The following SAMD11 variants were observed in gnomAD, a reference collection of about 807,000 sequenced individuals.
The protein encoded by SAMD11 is sterile alpha motif domain containing 11.
A neutral mutation model predicts 64.4 loss-of-function variants in SAMD11; 77 were observed. The observed-to-expected ratio is 1.20, with a 90% CI of 0.99 to 1.44. SAMD11 has a LOEUF of 1.44. SAMD11 is among the 40% of genes most tolerant of loss of function. The pLI, the probability that SAMD11 is intolerant of heterozygous loss-of-function variation, is 0.00. For missense variants in SAMD11, 1,402 were observed against 943.3 expected (o/e 1.49, Z -6.37); for synonymous variants, 658 against 421.9 (o/e 1.56, Z -6.86).
chr1:942,642 GC>G lies in SAMD11; in HGVS notation c.1641del (p.Asn548ThrfsTer16). 1 of 1,438,152 alleles carries G rather than the reference GC, an allele frequency of 7.0e-7. No individual in the cohort carries two copies. Among genetic ancestry groups the G allele is most frequent in the Non-Finnish European group, 9.1e-7 (1 of 1,102,840 alleles). The allele number at this position is 1,438,152 out of a possible 1,614,324, so 89.1% of individuals were successfully genotyped here. ...CTGCTGGCGCCCGAGACCGCCCTGC[GC>G]CCCAACGACGGCGCCGAGGAGCTGC... Reference protein sequence around the residue: ...PQLLAPETALRPNDGAEELQR... With the variant: ...PQLLAPETALXPNDGAEELQR... On this transcript the variant is annotated frameshift_variant, in exon 11 of 14. Coordinates refer to ENST00000616016, the MANE Select transcript of SAMD11 (RefSeq NM_001385641.1). LOFTEE classifies it high-confidence loss of function.
rs1244492295 is a variant in SAMD11, at chr1:942,646, C to T, written c.1641C>T (p.Pro547=). The change falls in exon 11 of 14, where the codon CCC becomes CCT. Residue 547 remains proline (P), a synonymous_variant. Transcript: ENST00000616016. ...QLLAPETALR[P]NDGAEELQRR... is the part of the protein sequence containing the mutation. ...TGGCGCCCGAGACCGCCCTGCGCCC[C>T]AACGACGGCGCCGAGGAGCTGCAGC... The T allele has an allele frequency of 4.2e-6, 6 of 1,437,924 alleles. No individual in the cohort carries two copies. The highest frequency in any genetic ancestry group is 5.4e-6 in the Non-Finnish European group (6 of 1,102,718). The allele number at this position is 1,437,924 out of a possible 1,614,324, so 89.1% of individuals were successfully genotyped here. A position where few individuals can be genotyped will look rare whatever the true frequency, so the allele number is the denominator to read the frequency against.
chr1:940,975 C>T (rs1221452301), intron 7 of SAMD11, 169 bp from the exon 8 acceptor site: 13 of 546,614 alleles, frequency 2.4e-5, no homozygotes, highest in Non-Finnish European at 3.5e-5. Context: ...TCTGCCGTCT[C>T]GGCCCTGTGG....
At chr1:943,484 C>T (rs1641942729) in intron 12 of SAMD11, 107 bp downstream of exon 12, 5 of 1,120,306 alleles carry the variant, frequency 4.5e-6, no homozygotes, top group East Asian at 2.4e-5. Context: ...CCTCTCCCTC[C>T]CCAAAAGCAG....
rs780701540 is a variant in SAMD11, at chr1:944,121, G to A, written c.2503G>A (p.Gly835Arg). The part of the protein sequence containing the change: ...QENGTLALLP[G>R]APDPSQPLC ...GAATGGGACCTTGGCTCTACTTCCA[G>A]GGGCCCCCGACCCTTCCCAGCCTCT... The change falls in exon 14 of 14, where the codon GGG becomes AGG. Residue 835 changes from glycine (G) to arginine (R), a missense_variant. Gly to Arg is a moderately radical substitution (Grantham distance 125). Transcript: ENST00000616016. The A allele has an allele frequency of 3.8e-6, 6 of 1,599,798 alleles. No individual in the cohort carries two copies. Among genetic ancestry groups the A allele is most frequent in the Admixed American group, 1.7e-5 (1 of 59,008 alleles).
intron 7 of SAMD11, chr1:940,298 C>G (rs1245928305): frequency 1.0e-4 from 1 of 9,786 alleles, no homozygotes; most frequent in Non-Finnish European, 3.1e-4. Context: ...GCGCCGCCGC[C>G]CCCCCCCCCC....
In SAMD11 at chr1:941,212, C is replaced by G. The variant is rs753422510; in HGVS notation, c.1264C>G (p.Leu422Val). Residue 422 changes from leucine to valine, a missense_variant, in exon 8 of 14, where the codon CTG becomes GTG. Transcript: ENST00000616016. ...LRGPSGLEAH[L>V]PSSTAGQRRK... is the part of the protein sequence containing the mutation. Reference sequence around the variant, plus strand: ...GGGCCCCAGTGGCCTGGAAGCCCACCTGCCCTCCTCCACGGCAGGTCAGCG... The same window carrying G: ...GGGCCCCAGTGGCCTGGAAGCCCACGTGCCCTCCTCCACGGCAGGTCAGCG... The G allele has an allele frequency of 5.0e-6, 8 of 1,601,794 alleles. No individual in the cohort carries two copies. The highest frequency in any genetic ancestry group is 6.8e-6 in the Non-Finnish European group (8 of 1,174,976).
At position 935,818 on chromosome 1, in the gene SAMD11, C is replaced by T. The variant is rs527860171; in HGVS notation, c.889C>T (p.Arg297Cys). The T allele has an allele frequency of 1.6e-5, 26 of 1,613,512 alleles. No homozygotes were observed. Among genetic ancestry groups the T allele is most frequent in the African/African-American group, 5.3e-5 (4 of 75,060 alleles). ...PTLISSVHRS[R>C]HLVMPEHQSR... ...CCTCATATCCAGCGTCCACCGCAGC[C>T]GCCACCTCGTTATGCCCGAGCATCA... Residue 297 changes from arginine to cysteine, a missense_variant, in exon 5 of 14, where the codon CGC becomes TGC. Coordinates refer to ENST00000616016, the MANE Select transcript of SAMD11 (RefSeq NM_001385641.1).
In SAMD11 at chr1:943,691, C is replaced by T. The variant is rs764692893; in HGVS notation, c.2179-7C>T. On this transcript the variant is annotated splice_polypyrimidine_tract_variant and splice_region_variant and intron_variant, in intron 12 of 13. Coordinates refer to ENST00000616016, the MANE Select transcript of SAMD11 (RefSeq NM_001385641.1). ...GGGTCCTGACCCTCCCTCCCTCCCC[C>T]TTCCAGGTCTTCAGGGAGCAGGGGA... The T allele has an allele frequency of 9.6e-6, 15 of 1,561,450 alleles. No individual in the cohort carries two copies. In the Admixed American group the frequency reaches 2.2e-4, roughly 22 times the overall value.
chr1:943,448 G>GGT, intron 12 of SAMD11, 71 bp downstream of exon 12: 1 of 1,333,724 alleles, frequency 7.5e-7, no homozygotes, highest in Non-Finnish European at 1.0e-6. Context: ...TGGAAAGGAT[G>GGT]GTGGGGTAGG....
chr1:928,909 C>T (rs769426438), intron 2 of SAMD11, among the ~76,000 whole-genome samples: 9 of 152,176 alleles, frequency 5.9e-5, no homozygotes, highest in Non-Finnish European at 1.0e-4. Flanking sequence ...AGGACACCCT[C>T]CTAACAGCCT....
In SAMD11 at chr1:943,073, A is replaced by G. The variant is rs373759153; in HGVS notation, c.2053+15A>G. The G allele has an allele frequency of 7.2e-5, 110 of 1,533,214 alleles. No homozygotes were observed. The African/African-American group carries it at 1.3e-3, about 19-fold the overall frequency. 95.0% of individuals were successfully genotyped at this position (1,533,214 alleles called of 1,614,324 possible). On this transcript the variant is annotated intron_variant, in intron 11 of 13. Transcript: ENST00000616016. ...CTTCCACACAGGTGGGCACCCCCAC[A>G]CTCTAGATCCTTCCAGAGGGCACAG...
intron 4 of SAMD11, among the ~76,000 whole-genome samples, chr1:931,729 C>T (rs1641178363): frequency 6.6e-6 from 1 of 152,128 alleles, no homozygotes; most frequent in African/African-American, 2.4e-5. Flanking sequence ...GCCTTCCTGG[C>T]AGACAGGGGA....
chr1:939,483 T>A (rs1641633786), intron 7 of SAMD11, 71 bp downstream of exon 7: 1 of 1,589,612 alleles, frequency 6.3e-7, no homozygotes, highest in Admixed American at 1.7e-5. Context: ...CCTGGCATGA[T>A]CTCCCCTCAT....
chr1:928,260 CGGGT>C, intron 2 of SAMD11, among the ~76,000 whole-genome samples: 1 of 152,308 alleles, frequency 6.6e-6, no homozygotes, highest in East Asian at 1.9e-4. Context: ...GGCGTGGTGG[CGGGT>C]GCCTGTAGTC....
At chr1:930,376 G>A (rs766042285) in intron 3 of SAMD11, 40 bp downstream of exon 3, 1 of 1,552,758 alleles carries the variant, frequency 6.4e-7, no homozygotes, top group Non-Finnish European at 8.7e-7. Flanking sequence ...GCAAGGCTCA[G>A]ATGGGGCTGG....
rs772013346 is a variant in SAMD11, at chr1:939,315, C to T, written c.1098C>T (p.Ala366=). 2 of 1,611,384 alleles carry T rather than the reference C, an allele frequency of 1.2e-6. No individual in the cohort carries two copies. Among genetic ancestry groups the T allele is most frequent in the Non-Finnish European group, 1.7e-6 (2 of 1,179,442 alleles). Residue 366 remains alanine (A), a synonymous_variant, in exon 7 of 14, where the codon GCC becomes GCT. Transcript: ENST00000616016. Reference sequence around the variant, plus strand: ...CGCGGGAGCTGGGGCCCAGCATGGCCCCGGAGGACCATTACCGCCGGCTTG... The same window carrying T: ...CGCGGGAGCTGGGGCCCAGCATGGCTCCGGAGGACCATTACCGCCGGCTTG... ...LLPRELGPSM[A]PEDHYRRLVS... is the part of the protein sequence containing the mutation.
At position 941,276 on chromosome 1, in the gene SAMD11, C is replaced by T; in HGVS notation, c.1328C>T (p.Ala443Val). The change falls in exon 8 of 14, where the codon GCC becomes GTC. Residue 443 changes from alanine to valine, a missense_variant. Ala to Val is a moderately conservative substitution (Grantham distance 64, BLOSUM62 0). Coordinates refer to ENST00000616016, the MANE Select transcript of SAMD11 (RefSeq NM_001385641.1). ...QGLAQHREGA[A>V]PAAAPSFSER... ...CTGGCTCAGCACCGGGAGGGCGCCG[C>T]CCCAGCTGCCGCCCCGTCCTTCTCG... 1.3e-6 allele frequency: 2 copies of T among 1,595,884 alleles called. No individual in the cohort carries two copies. The highest frequency in any genetic ancestry group is 8.5e-7 in the Non-Finnish European group (1 of 1,171,634).
intron 7 of SAMD11, chr1:940,298 C>CCCCCA (rs1641679264): frequency 1.0e-4 from 1 of 9,786 alleles, no homozygotes; most frequent in East Asian, 4.2e-3. Context: ...GCGCCGCCGC[C>CCCCCA]CCCCCCCCCC....
At chr1:925,363 G>A (rs1178264379) in intron 1 of SAMD11, among the ~76,000 whole-genome samples, 2 of 148,510 alleles carry the variant, frequency 1.3e-5, no homozygotes, top group African/African-American at 4.9e-5. Flanking sequence ...CGGCGCGGGG[G>A]CGCGCGCGGA....
Sources: gnomAD v4.1 joint callset for allele counts (sites outside exome capture counted in the v4.1 genomes callset) on GRCh38, gnomAD v4.1.1 for gene constraint, MANE v1.5 for transcripts, NCBI Gene and HGNC (gene_info 2026-07-23, HGNC 2026-07-21) for gene names.